The following MVB12B variants were observed in gnomAD, a reference collection of about 807,000 sequenced individuals.
MVB12B encodes the protein ESCRT-I complex subunit MVB12B.
MVB12B carries 16 observed loss-of-function variants against 41.6 expected under a neutral mutation model. The ratio of observed to expected loss-of-function variants is 0.38; its 90% confidence interval spans 0.26 to 0.58. MVB12B has a LOEUF of 0.58. MVB12B is among the 20% of genes least tolerant of loss of function. The pLI is 0.62. For synonymous variants in MVB12B, 133 were observed against 139.7 expected, an observed-to-expected ratio of 0.95 and a Z score of 0.34; for missense variants, 274 against 380.2, an observed-to-expected ratio of 0.72 and a Z score of 2.32.
At position 126,381,064 on chromosome 9, in the gene MVB12B, G is replaced by A. The variant is rs1173371819; in HGVS notation, c.205G>A (p.Val69Ile). 6.2e-7 allele frequency: 1 copy of A among 1,613,674 alleles called. No homozygotes were observed. The highest frequency in any genetic ancestry group is 8.5e-7 in the Non-Finnish European group (1 of 1,179,598). ...CCTTTTCTCTGTCTCTCCGGTGTAG[G>A]TTGCACAGACAGCAGATGGTGTGGA... is the stretch of plus-strand genomic sequence containing the variant. ...RNRAPTGYDV[V>I]AQTADGVDAD... Residue 69 changes from valine (V) to isoleucine (I), a missense_variant and splice_region_variant, in exon 3 of 10, where the codon GTT (valine) becomes ATT (isoleucine). Coordinates refer to ENST00000361171, the MANE Select transcript of MVB12B (RefSeq NM_033446.3).
chr9:126,422,784 G>C (rs1423368662), intron 7 of MVB12B, among the ~76,000 whole-genome samples: 3 of 152,186 alleles, frequency 2.0e-5, no homozygotes, highest in African/African-American at 7.2e-5. Context: ...TGCAACTACA[G>C]GTTACTAAAT....
In MVB12B at chr9:126,367,832, GC is replaced by G; in HGVS notation, c.205-13230del. On this transcript the variant is annotated intron_variant, in intron 2 of 9. Coordinates refer to ENST00000361171, the MANE Select transcript of MVB12B (RefSeq NM_033446.3). The surrounding 1 kb of genome is among the most constrained non-coding windows in gnomAD (Gnocchi z 4.3). ...AGTGGAGGTCAAACCCAGGTCTCCT[GC>G]CTCTGTGTGGCTCTCTTCCCTGCGC... Among the ~76,000 whole-genome samples the G allele has an allele frequency of 6.6e-6, 1 of 152,192 alleles. No homozygotes were observed. Among genetic ancestry groups the G allele is most frequent in the Non-Finnish European group, 1.5e-5 (1 of 68,020 alleles).
chr9:126,473,914 T>A lies in MVB12B; in HGVS notation c.758-7455T>A, dbSNP rs929807961. Among the ~76,000 whole-genome samples the A allele has an allele frequency of 6.6e-6, 1 of 152,228 alleles. No individual in the cohort carries two copies. The highest frequency in any genetic ancestry group is 6.5e-5 in the Admixed American group (1 of 15,284). ...GCAGTAAGCACGGATTCCCTTTCCT[T>A]TTCTATTTTGTAGAACTGGGCTTGG... On this transcript the variant is annotated intron_variant, in intron 7 of 9. Transcript: ENST00000361171. This position sits in a 1 kb window ranked among gnomAD's most constrained non-coding sequence, Gnocchi z 4.0.
intron 3 of MVB12B, among the ~76,000 whole-genome samples, chr9:126,384,893 G>A (rs1485862129): frequency 1.4e-5 from 2 of 144,618 alleles, no homozygotes; most frequent in Non-Finnish European, 3.0e-5. Flanking sequence ...CTGAAGTACA[G>A]AGGCATGATC....
intron 9 of MVB12B, among the ~76,000 whole-genome samples, chr9:126,502,717 C>T (rs1833985099): frequency 6.6e-6 from 1 of 152,178 alleles, no homozygotes; most frequent in Admixed American, 6.5e-5. Context: ...TCAGCGGAGC[C>T]AGCATATCAG....
intron 6 of MVB12B, chr9:126,396,533 G>C: frequency 1.0e-6 from 1 of 985,520 alleles, no homozygotes. Context: ...CCGGACAGAA[G>C]AGTCACCAGT....
chr9:126,413,034 A>T (rs754788662), intron 6 of MVB12B, among the ~76,000 whole-genome samples: 1 of 152,148 alleles, frequency 6.6e-6, no homozygotes, highest in Non-Finnish European at 1.5e-5. Context: ...TGCCATGACA[A>T]ATGCTGCCCC....
intron 1 of MVB12B, among the ~76,000 whole-genome samples, chr9:126,338,014 G>A (rs1008885443): frequency 2.6e-4 from 40 of 152,220 alleles, no homozygotes; most frequent in African/African-American, 9.7e-4. Flanking sequence ...TGTAATTCAG[G>A]GCAAGCGGCT....
chr9:126,420,925 C>A (rs1303194190), intron 6 of MVB12B, among the ~76,000 whole-genome samples: 1 of 152,174 alleles, frequency 6.6e-6, no homozygotes, highest in Non-Finnish European at 1.5e-5. Flanking sequence ...TGACCACTTA[C>A]TTTATGTGAT....
intron 7 of MVB12B, among the ~76,000 whole-genome samples, chr9:126,443,221 G>C (rs7043602): frequency 0.21 from 32,581 of 152,202 alleles, 4,090 homozygotes; most frequent in South Asian, 0.29. Context: ...ATGGGACCGT[G>C]ATTCCTTTCT....
intron 6 of MVB12B, among the ~76,000 whole-genome samples, chr9:126,410,953 T>C (rs1831631331): frequency 6.6e-6 from 1 of 151,348 alleles, no homozygotes; most frequent in South Asian, 2.1e-4. Flanking sequence ...AATGGCGTGA[T>C]CTCTGCTTAC....
intron 3 of MVB12B, 35 bp downstream of exon 3, chr9:126,381,206 G>A: frequency 1.4e-6 from 2 of 1,414,810 alleles, no homozygotes; most frequent in East Asian, 2.3e-5. Flanking sequence ...TGCTGAGTGA[G>A]CACAAGTAAT....
chr9:126,497,361 G>C (rs1256647082), intron 9 of MVB12B, among the ~76,000 whole-genome samples: 1 of 152,154 alleles, frequency 6.6e-6, no homozygotes, highest in African/African-American at 2.4e-5. Context: ...GCTTCCTAAA[G>C]GGTCTGCGGG....
chr9:126,410,037 C>T (rs1831585389), intron 6 of MVB12B, among the ~76,000 whole-genome samples: 3 of 152,284 alleles, frequency 2.0e-5, no homozygotes, highest in South Asian at 2.1e-4. Flanking sequence ...TCAAGCTGCA[C>T]GTACTTTATG....
intron 7 of MVB12B, among the ~76,000 whole-genome samples, chr9:126,451,082 T>C (rs1832879252): frequency 6.6e-6 from 1 of 152,140 alleles, no homozygotes; most frequent in African/African-American, 2.4e-5. Flanking sequence ...CTAGGTGGCA[T>C]CTCTGCATCA....
Position 126,504,189 on chromosome 9 carries a change from G to A in MVB12B, c.*926G>A, listed in dbSNP as rs887843910. On this transcript the variant is annotated 3_prime_UTR_variant, in exon 10 of 10. Coordinates refer to ENST00000361171, the MANE Select transcript of MVB12B (RefSeq NM_033446.3). ...TGACGGTATCTGCTGACGGGAACAAGTCATTCTGAAAGGTCCCTCTGACCC... is the reference window on the plus strand; with the variant it reads ...TGACGGTATCTGCTGACGGGAACAAATCATTCTGAAAGGTCCCTCTGACCC... The A allele has an allele frequency of 6.6e-6, 1 of 152,304 alleles. No individual in the cohort carries two copies. Among genetic ancestry groups the A allele is most frequent in the Non-Finnish European group, 1.5e-5 (1 of 68,088 alleles). 9.4% of individuals were successfully genotyped at this position (152,304 alleles called of 1,614,324 possible).
intron 7 of MVB12B, among the ~76,000 whole-genome samples, chr9:126,431,511 C>T (rs1439196411): frequency 2.0e-5 from 3 of 152,180 alleles, no homozygotes; most frequent in African/African-American, 7.2e-5. Flanking sequence ...GAAGTTAAGA[C>T]TTTTTCCAGT....
intron 2 of MVB12B, among the ~76,000 whole-genome samples, chr9:126,351,735 G>T (rs1829754592): frequency 6.6e-6 from 1 of 152,148 alleles, no homozygotes; most frequent in African/African-American, 2.4e-5. Flanking sequence ...TGATCCACCT[G>T]CCTTGGCCTC....
chr9:126,343,697 C>T (rs1829510523), intron 2 of MVB12B, among the ~76,000 whole-genome samples: 2 of 152,194 alleles, frequency 1.3e-5, no homozygotes, highest in Admixed American at 6.5e-5. Context: ...GGGCAGATCA[C>T]TTGAGGTCAG....
Sources: gnomAD v4.1 joint callset for allele counts (sites outside exome capture counted in the v4.1 genomes callset) on GRCh38, gnomAD v4.1.1 for gene constraint, Gnocchi (gnomAD v3.1) non-coding constraint, MANE v1.5 for transcripts, NCBI Gene and HGNC (gene_info 2026-07-23, HGNC 2026-07-21) for gene names.